CDKAL1: variants seen among roughly 807,000 people sequenced by gnomAD.
CDKAL1 encodes CDKAL1 threonylcarbamoyladenosine tRNA methylthiotransferase.
Under a neutral mutation model 68.2 loss-of-function variants are expected in CDKAL1, and 32 were observed. That is an observed-to-expected ratio of 0.47 (90% CI 0.35 to 0.63). CDKAL1 has a LOEUF of 0.63. Ranked by LOEUF, CDKAL1 falls within the 30% of genes least tolerant of loss-of-function variation. The probability of loss-of-function intolerance (pLI) is 0.00; values close to 1 mark genes in which losing one functional copy is unlikely to be tolerated. For synonymous variants in CDKAL1, 234 were observed against 244.3 expected (o/e 0.96, Z 0.39); for missense variants, 606 against 696.7 (o/e 0.87, Z 1.47).
At chr6:21,051,443 G>T (rs1770532446) in intron 11 of CDKAL1, among the ~76,000 whole-genome samples, 1 of 152,156 alleles carries the variant, frequency 6.6e-6, no homozygotes, top group Non-Finnish European at 1.5e-5. Flanking sequence ...GTACATCAGT[G>T]CTGTGAGCAC....
intron 10 of CDKAL1, among the ~76,000 whole-genome samples, chr6:20,964,571 C>G (rs549609377): frequency 4.6e-5 from 7 of 152,152 alleles, no homozygotes; most frequent in Non-Finnish European, 8.8e-5. Context: ...ACCACATGTT[C>G]TTGCTTATAA....
intron 4 of CDKAL1, among the ~76,000 whole-genome samples, chr6:20,641,481 GA>G (rs1052665005): frequency 6.6e-6 from 1 of 152,144 alleles, no homozygotes; most frequent in Admixed American, 6.5e-5. Flanking sequence ...GGAGCCCACT[GA>G]ACCTTTATCT....
chr6:20,649,053 A>G (rs985463807), intron 4 of CDKAL1, among the ~76,000 whole-genome samples: 1 of 152,230 alleles, frequency 6.6e-6, no homozygotes, highest in African/African-American at 2.4e-5. Flanking sequence ...ATTGAAAGTA[A>G]AGGAAGAGAA....
At chr6:20,921,826 T>C (rs551299816) in intron 9 of CDKAL1, among the ~76,000 whole-genome samples, 44 of 152,360 alleles carry the variant, frequency 2.9e-4, no homozygotes, top group African/African-American at 9.1e-4. Flanking sequence ...GAGAATGCCA[T>C]GTGGAAAATT....
intron 11 of CDKAL1, among the ~76,000 whole-genome samples, chr6:21,005,437 A>G (rs1285724871): frequency 6.6e-6 from 1 of 152,260 alleles, no homozygotes; most frequent in Admixed American, 6.5e-5. Flanking sequence ...AGGAAATGAA[A>G]CAGTTTATAT....
At chr6:20,964,696 A>G (rs1375152338) in intron 10 of CDKAL1, among the ~76,000 whole-genome samples, 1 of 152,112 alleles carries the variant, frequency 6.6e-6, no homozygotes, top group Non-Finnish European at 1.5e-5. Flanking sequence ...AGAATAACTA[A>G]TGGATGCTGG....
chr6:20,664,532 A>C (rs1769436915), intron 5 of CDKAL1, among the ~76,000 whole-genome samples: 1 of 152,144 alleles, frequency 6.6e-6, no homozygotes, highest in South Asian at 2.1e-4. Context: ...GAAGGAAAAG[A>C]CTTGTTTTAC....
chr6:20,749,885 A>T (rs976672927), intron 6 of CDKAL1, among the ~76,000 whole-genome samples: 3 of 150,602 alleles, frequency 2.0e-5, no homozygotes, highest in African/African-American at 7.3e-5. Context: ...GTTTTTTTTT[A>T]AATAAAGACG....
intron 8 of CDKAL1, among the ~76,000 whole-genome samples, chr6:20,792,195 A>G (rs184621007): frequency 6.6e-6 from 1 of 152,284 alleles, no homozygotes; most frequent in Admixed American, 6.5e-5. Context: ...ACAAAGCAGA[A>G]TGTTTTGTTT....
At chr6:20,567,989 C>T (rs1196134266) in intron 4 of CDKAL1, among the ~76,000 whole-genome samples, 1 of 152,082 alleles carries the variant, frequency 6.6e-6, no homozygotes. Context: ...CATTCTCTCA[C>T]CTCAGCCTCC....
intron 9 of CDKAL1, among the ~76,000 whole-genome samples, chr6:20,935,990 T>C (rs1763687520): frequency 6.6e-6 from 1 of 152,196 alleles, no homozygotes; most frequent in African/African-American, 2.4e-5. Flanking sequence ...TGCTGCACCT[T>C]GTCCCATAGC....
intron 4 of CDKAL1, among the ~76,000 whole-genome samples, chr6:20,567,298 A>C (rs78271005): frequency 0.022 from 3,368 of 151,712 alleles, 132 homozygotes; most frequent in African/African-American, 0.077. Flanking sequence ...ACTTCTCTCT[A>C]AAATGGTTTA....
intron 8 of CDKAL1, among the ~76,000 whole-genome samples, chr6:20,843,422 G>A (rs922315219): frequency 6.6e-6 from 1 of 151,798 alleles, no homozygotes; most frequent in Non-Finnish European, 1.5e-5. Flanking sequence ...TATCTGAAAT[G>A]CTTGGAACCA....
At chr6:21,120,638 C>T (rs937125878) in intron 13 of CDKAL1, among the ~76,000 whole-genome samples, 1 of 152,166 alleles carries the variant, frequency 6.6e-6, no homozygotes, top group Non-Finnish European at 1.5e-5. Flanking sequence ...TACATACCTT[C>T]ATGTAAATGT....
At chr6:21,209,241 T>C (rs1779060269) in intron 15 of CDKAL1, among the ~76,000 whole-genome samples, 1 of 152,212 alleles carries the variant, frequency 6.6e-6, no homozygotes, top group South Asian at 2.1e-4. Context: ...AGGATGGGAC[T>C]GAGCAGGCAT....
intron 10 of CDKAL1, among the ~76,000 whole-genome samples, chr6:20,962,317 A>G (rs564330067): frequency 6.6e-6 from 1 of 152,316 alleles, no homozygotes; most frequent in African/African-American, 2.4e-5. Context: ...GATATTTTAA[A>G]TATCTCTTCT....
intron 4 of CDKAL1, among the ~76,000 whole-genome samples, chr6:20,602,916 C>T (rs112522658): frequency 0.016 from 2,488 of 152,258 alleles, 32 homozygotes; most frequent in Non-Finnish European, 0.025. Context: ...GGATGAAAAA[C>T]TCACTGGTAA....
intron 5 of CDKAL1, among the ~76,000 whole-genome samples, chr6:20,692,909 G>A (rs1303602003): frequency 2.0e-5 from 3 of 151,760 alleles, no homozygotes; most frequent in Non-Finnish European, 2.9e-5. Context: ...GGTGGATCAC[G>A]ACGTGAGGAG....
chr6:20,590,474 A>G lies in CDKAL1; in HGVS notation c.286+41769A>G, dbSNP rs1415590730. ...CTGCACCCATCAACCCATCATCTACATTAGGTATTTCTCCTAATGCTATCC... is the reference window on the plus strand; with the variant it reads ...CTGCACCCATCAACCCATCATCTACGTTAGGTATTTCTCCTAATGCTATCC... On this transcript the variant is annotated intron_variant, in intron 4 of 15. Transcript: ENST00000274695. 2.6e-5 allele frequency among the ~76,000 whole-genome samples: 4 copies of G among 152,220 alleles called. No individual in the cohort carries two copies. The East Asian group carries it at 5.8e-4, about 22-fold the overall frequency.
Sources: gnomAD v4.1 joint callset for allele counts (sites outside exome capture counted in the v4.1 genomes callset) on GRCh38, gnomAD v4.1.1 for gene constraint, MANE v1.5 for transcripts, NCBI Gene and HGNC (gene_info 2026-07-23, HGNC 2026-07-21) for gene names.